The following STAU2 variants were observed in gnomAD, a reference collection of about 807,000 sequenced individuals.
STAU2 encodes double-stranded RNA-binding protein Staufen homolog 2.
In STAU2, 20 loss-of-function variants were observed where a neutral mutation model predicts 65.9. That is an observed-to-expected ratio of 0.30 (90% CI 0.21 to 0.44). The LOEUF (loss-of-function observed/expected upper bound fraction) is 0.44, where lower values mean the gene tolerates loss of function less well. STAU2 is among the 20% of genes least tolerant of loss of function. STAU2 has a pLI of 1.00. For synonymous variants in STAU2, 232 were observed against 233.9 expected (o/e 0.99, Z 0.07); for missense variants, 558 against 683.9 (o/e 0.82, Z 2.05).
chr8:73,524,514 A>G (rs1213421145), intron 13 of STAU2, among the ~76,000 whole-genome samples: 2 of 152,172 alleles, frequency 1.3e-5, no homozygotes, highest in African/African-American at 2.4e-5. Flanking sequence ...CAGCAAATGA[A>G]TGCACCAGGT....
chr8:73,437,347 G>T (rs1233527060), intron 13 of STAU2, among the ~76,000 whole-genome samples: 1 of 152,212 alleles, frequency 6.6e-6, no homozygotes, highest in Non-Finnish European at 1.5e-5. Context: ...TGAGGACAGA[G>T]ATAGAGACAT....
chr8:73,432,385 A>G (rs546045441), intron 13 of STAU2, among the ~76,000 whole-genome samples: 1 of 152,344 alleles, frequency 6.6e-6, no homozygotes, highest in East Asian at 1.9e-4. Flanking sequence ...GCAATCTCTG[A>G]TACTGAATCT....
At chr8:73,470,018 T>C (rs1465464061) in intron 13 of STAU2, among the ~76,000 whole-genome samples, 1 of 152,250 alleles carries the variant, frequency 6.6e-6, no homozygotes, top group East Asian at 1.9e-4. Flanking sequence ...ATGTACAGGC[T>C]CTGTGACTTG....
intron 13 of STAU2, among the ~76,000 whole-genome samples, chr8:73,473,084 G>C (rs888384491): frequency 1.4e-4 from 21 of 152,148 alleles, no homozygotes; most frequent in Admixed American, 7.9e-4. Context: ...GAAGGAGGAA[G>C]AAGTGCTTAT....
At chr8:73,651,434 C>T (rs1586195088) in intron 6 of STAU2, 5 of 665,582 alleles carry the variant, frequency 7.5e-6, no homozygotes, top group Admixed American at 1.9e-5. Context: ...GTTTCAAAAT[C>T]GCCGCATGAA....
At chr8:73,557,155 A>G (rs1409682220) in intron 12 of STAU2, among the ~76,000 whole-genome samples, 2 of 152,172 alleles carry the variant, frequency 1.3e-5, no homozygotes, top group Non-Finnish European at 2.9e-5. Context: ...AATATTATAA[A>G]GCAACAAAAA....
intron 6 of STAU2, among the ~76,000 whole-genome samples, chr8:73,630,919 G>A (rs1262267735): frequency 6.6e-6 from 1 of 152,182 alleles, no homozygotes; most frequent in African/African-American, 2.4e-5. Context: ...CTTAGCTGTG[G>A]TTATGCTGGC....
chr8:73,442,636 C>T (rs1413237166), intron 13 of STAU2, among the ~76,000 whole-genome samples: 3 of 152,156 alleles, frequency 2.0e-5, no homozygotes, highest in African/African-American at 7.2e-5. Flanking sequence ...TTTCTAGAAA[C>T]TGCTAGTACT....
chr8:73,577,629 A>G (rs1809673661), intron 12 of STAU2, among the ~76,000 whole-genome samples: 1 of 152,142 alleles, frequency 6.6e-6, no homozygotes, highest in Admixed American at 6.5e-5. Flanking sequence ...AAGCCCTACA[A>G]AGAAATGGGC....
chr8:73,623,876 TCTAA>T lies in STAU2; in HGVS notation c.411-6429_411-6426del, dbSNP rs537229804. ...TTTGAAAAATATATCTTTTATGAGA[TCTAA>T]CTGTTAATTCTTGAGGAATTTCAAA... On this transcript the variant is annotated intron_variant, in intron 6 of 14. Coordinates refer to ENST00000524300, the MANE Select transcript of STAU2 (RefSeq NM_001164380.2). 1.8e-3 allele frequency among the ~76,000 whole-genome samples: 274 copies of T among 152,296 alleles called. 4 individuals are homozygous for T. Among genetic ancestry groups the T allele is most frequent in the South Asian group, 9.3e-3 (45 of 4,828 alleles).
Position 73,742,142 on chromosome 8 carries a change from G to A in STAU2, c.-196-2274C>T, listed in dbSNP as rs1806929698. On this transcript the variant is annotated intron_variant, in intron 1 of 14. Coordinates refer to ENST00000524300, the MANE Select transcript of STAU2 (RefSeq NM_001164380.2). ...GACTCTGTTTCTACTTTAAAGACAC[G>A]CCCAGTCTACTGTCACATATTTTAA... 1.2e-5 allele frequency: 11 copies of A among 909,782 alleles called. No homozygotes were observed. The South Asian group carries it at 4.6e-4, about 38-fold the overall frequency. The allele number at this position is 909,782 out of a possible 1,614,324, so 56.4% of individuals were successfully genotyped here.
chr8:73,620,645 ATATATGTATATATAAAT>A (rs1813159686), intron 6 of STAU2, among the ~76,000 whole-genome samples: 1 of 152,210 alleles, frequency 6.6e-6, no homozygotes, highest in Non-Finnish European at 1.5e-5. Context: ...GCATGTGGAT[ATATATGTATATATAAAT>A]TATATTGTGT....
rs183891132 is a variant in STAU2 at position 73,625,508 on chromosome 8, T to C, written c.411-8057A>G. Among the ~76,000 whole-genome samples, 1,043 of 152,250 alleles carry C rather than the reference T, an allele frequency of 6.9e-3. 11 individuals are homozygous for C. Among genetic ancestry groups the C allele is most frequent in the Non-Finnish European group, 0.012 (784 of 68,000 alleles). On this transcript the variant is annotated intron_variant, in intron 6 of 14. Transcript: ENST00000524300. ...AAAATATCCAGAATAGGCAAACCCA[T>C]AGAGACAGAAAGTAGATTAGTGGTT...
chr8:73,430,071 G>A (rs1017377261), intron 13 of STAU2, among the ~76,000 whole-genome samples: 8 of 152,230 alleles, frequency 5.3e-5, no homozygotes, highest in African/African-American at 1.9e-4. Context: ...AGTGGCCAGA[G>A]ACAAGACTAC....
intron 13 of STAU2, among the ~76,000 whole-genome samples, chr8:73,519,409 T>C (rs1035021806): frequency 6.6e-6 from 1 of 152,174 alleles, no homozygotes; most frequent in African/African-American, 2.4e-5. Context: ...TGTATACTAA[T>C]AAGGAGGCTG....
At chr8:73,424,098 C>T (rs1056678933) in intron 13 of STAU2, among the ~76,000 whole-genome samples, 2 of 140,966 alleles carry the variant, frequency 1.4e-5, no homozygotes, top group Non-Finnish European at 3.1e-5. Flanking sequence ...AATCTTTTTA[C>T]CATCGCTACA....
intron 6 of STAU2, among the ~76,000 whole-genome samples, chr8:73,654,880 T>C (rs1423727285): frequency 6.6e-6 from 1 of 151,568 alleles, no homozygotes; most frequent in Non-Finnish European, 1.5e-5. Flanking sequence ...AGAGACGGGG[T>C]TTCACCGTGT....
At chr8:73,506,419 CTTT>C (rs1357844560) in intron 13 of STAU2, among the ~76,000 whole-genome samples, 3 of 152,146 alleles carry the variant, frequency 2.0e-5, no homozygotes, top group Admixed American at 2.0e-4. Flanking sequence ...AATCACACAA[CTTT>C]TTTTGTTTCC....
chr8:73,610,597 T>G (rs1172242237), intron 9 of STAU2, among the ~76,000 whole-genome samples: 1 of 151,316 alleles, frequency 6.6e-6, no homozygotes, highest in Non-Finnish European at 1.5e-5. Context: ...CTTGCTCTGA[T>G]TGAAATGAAC....
Sources: allele counts gnomAD v4.1 joint callset (sites outside exome capture counted in the v4.1 genomes callset), GRCh38; gene constraint gnomAD v4.1.1; transcripts MANE v1.5; gene names NCBI Gene and HGNC (gene_info 2026-07-23, HGNC 2026-07-21).